The following LAMA2 variants were observed in gnomAD, a reference collection of about 807,000 sequenced individuals.
LAMA2 encodes the protein laminin subunit alpha 2, also known as laminin subunit alpha-2.
A neutral mutation model predicts 364.8 loss-of-function variants in LAMA2; 269 were observed. The observed-to-expected ratio is 0.74, with a 90% CI of 0.67 to 0.82. The LOEUF (loss-of-function observed/expected upper bound fraction) is 0.82, where lower values mean the gene tolerates loss of function less well. Ranked by LOEUF, LAMA2 falls within the 40% of genes least tolerant of loss-of-function variation. The pLI, the probability that LAMA2 is intolerant of heterozygous loss-of-function variation, is 0.00. For missense variants in LAMA2, 3,807 were observed against 3,873.2 expected (o/e 0.98, Z 0.45); for synonymous variants, 1,379 against 1,370.6 (o/e 1.01, Z -0.14).
intron 1 of LAMA2, among the ~76,000 whole-genome samples, chr6:128,945,341 T>C (rs1024366966): frequency 3.3e-5 from 5 of 152,228 alleles, no homozygotes; most frequent in African/African-American, 1.2e-4. Context: ...TTCTGGACTT[T>C]TTAATCAGTG....
chr6:129,182,233 G>A (rs1034951009), intron 10 of LAMA2, among the ~76,000 whole-genome samples: 22 of 151,618 alleles, frequency 1.5e-4, no homozygotes, highest in African/African-American at 5.3e-4. Flanking sequence ...GACAGCTGAG[G>A]ATCACCAAGT....
chr6:129,205,493 T>TATATATATATATATATATATATATATAC (rs1343472728), intron 12 of LAMA2, among the ~76,000 whole-genome samples: 2 of 104,268 alleles, frequency 1.9e-5, no homozygotes, highest in African/African-American at 5.5e-5. Flanking sequence ...TATATATATA[T>TATATATATATATATATATATATATATAC]ACACACACAC....
chr6:129,096,487 A>C (rs1775196680), intron 3 of LAMA2, among the ~76,000 whole-genome samples: 1 of 152,230 alleles, frequency 6.6e-6, no homozygotes, highest in African/African-American at 2.4e-5. Context: ...AGTTACAGGC[A>C]CATACATAGA....
At chr6:129,251,725 G>C (rs1786258763) in intron 13 of LAMA2, among the ~76,000 whole-genome samples, 2 of 152,118 alleles carry the variant, frequency 1.3e-5, no homozygotes. Context: ...CTGATGTCAG[G>C]AGTTTGAGAC....
intron 15 of LAMA2, among the ~76,000 whole-genome samples, chr6:129,262,851 G>A (rs952511629): frequency 2.0e-5 from 3 of 152,096 alleles, no homozygotes; most frequent in African/African-American, 4.8e-5. Flanking sequence ...ATTCCAGCTT[G>A]CTGAGAACCT....
chr6:129,451,790 G>A (rs1198318782), intron 45 of LAMA2, among the ~76,000 whole-genome samples: 1 of 152,164 alleles, frequency 6.6e-6, no homozygotes. Context: ...AAGGGCCACA[G>A]TTCTGCCCAT....
Position 128,992,151 on chromosome 6 carries a change from G to C in LAMA2, c.113-57767G>C, listed in dbSNP as rs146768796. Among the ~76,000 whole-genome samples the C allele has an allele frequency of 5.9e-5, 9 of 152,298 alleles. No individual in the cohort carries two copies. The East Asian group carries it at 1.7e-3, about 29-fold the overall frequency. ...AGGAATCTCATAGGTGTGTAATATG[G>C]TTTGAAATTTGTGAGGACAGCAATT... On this transcript the variant is annotated intron_variant, in intron 1 of 64. Transcript: ENST00000421865.
At chr6:129,159,372 G>A (rs1443375221) in intron 8 of LAMA2, among the ~76,000 whole-genome samples, 2 of 152,180 alleles carry the variant, frequency 1.3e-5, no homozygotes, top group Non-Finnish European at 2.9e-5. Context: ...TTAAACTGAT[G>A]CATATTTTCA....
Position 129,312,776 on chromosome 6 carries a change from G to A in LAMA2, c.3175-85G>A. On this transcript the variant is annotated intron_variant, in intron 22 of 64. Transcript: ENST00000421865. ...GATACATGATTAATATGTGTTTAAT[G>A]GAAGCATAGAAACATTAGAATTAAA... is the stretch of plus-strand genomic sequence containing the variant. The A allele has an allele frequency of 1.2e-5, 11 of 916,068 alleles. No homozygotes were observed. In the South Asian group the frequency reaches 1.5e-4, roughly 13 times the overall value. 56.7% of individuals were successfully genotyped at this position (916,068 alleles called of 1,614,324 possible).
intron 28 of LAMA2, among the ~76,000 whole-genome samples, chr6:129,323,102 T>C (rs927794848): frequency 1.3e-5 from 2 of 152,156 alleles, no homozygotes; most frequent in Admixed American, 6.5e-5. Context: ...ACCTGAAGTG[T>C]TTTCCACAAC....
chr6:129,445,201 A>G (rs1782305659), intron 44 of LAMA2, among the ~76,000 whole-genome samples: 1 of 152,128 alleles, frequency 6.6e-6, no homozygotes, highest in South Asian at 2.1e-4. Context: ...TTCTCTCTTT[A>G]AGATGTGCAA....
chr6:129,029,114 A>G (rs80134865), intron 1 of LAMA2, among the ~76,000 whole-genome samples: 1 of 152,098 alleles, frequency 6.6e-6, no homozygotes, highest in African/African-American at 2.4e-5. Flanking sequence ...AATATGTTAG[A>G]AACAAGTAAG....
intron 19 of LAMA2, among the ~76,000 whole-genome samples, chr6:129,289,997 T>C (rs1339055564): frequency 6.6e-6 from 1 of 152,168 alleles, no homozygotes; most frequent in Admixed American, 6.5e-5. Flanking sequence ...TGGTTACCTA[T>C]AGATTTGTTC....
chr6:128,912,192 C>T (rs1198979770), intron 1 of LAMA2, among the ~76,000 whole-genome samples: 1 of 151,986 alleles, frequency 6.6e-6, no homozygotes, highest in African/African-American at 2.4e-5. Context: ...AAAAAATGTT[C>T]GTTTAATTTT....
intron 35 of LAMA2, among the ~76,000 whole-genome samples, chr6:129,383,548 A>G (rs1012674298): frequency 1.1e-4 from 16 of 152,242 alleles, no homozygotes; most frequent in Non-Finnish European, 2.1e-4. Context: ...GAAAGTATTT[A>G]AAGTATTTTT....
chr6:129,442,517 G>A (rs1163255070), intron 43 of LAMA2, among the ~76,000 whole-genome samples: 1 of 152,012 alleles, frequency 6.6e-6, no homozygotes, highest in Non-Finnish European at 1.5e-5. Flanking sequence ...CATAATTTAA[G>A]ATATATTTTT....
At chr6:129,026,747 T>C (rs1055820893) in intron 1 of LAMA2, among the ~76,000 whole-genome samples, 10 of 152,172 alleles carry the variant, frequency 6.6e-5, no homozygotes, top group African/African-American at 2.4e-4. Flanking sequence ...TATAATTTAA[T>C]ATTCGTGGAA....
At chr6:129,432,096 A>T (rs1469903511) in intron 41 of LAMA2, among the ~76,000 whole-genome samples, 2 of 152,190 alleles carry the variant, frequency 1.3e-5, no homozygotes, top group Non-Finnish European at 2.9e-5. Context: ...CATGCAAAAG[A>T]CAAGCAAAAT....
intron 12 of LAMA2, among the ~76,000 whole-genome samples, chr6:129,208,555 A>AGAAG (rs932606673): frequency 8.0e-6 from 1 of 124,634 alleles, no homozygotes; most frequent in Non-Finnish European, 1.6e-5. Flanking sequence ...AGGAAGAGAA[A>AGAAG]GAAAGAAAGA....
Sources: allele counts gnomAD v4.1 joint callset (sites outside exome capture counted in the v4.1 genomes callset), GRCh38; gene constraint gnomAD v4.1.1; transcripts MANE v1.5; gene names NCBI Gene and HGNC (gene_info 2026-07-23, HGNC 2026-07-21).